CDKL3: variants seen among roughly 807,000 people sequenced by gnomAD.
CDKL3 encodes the protein cyclin-dependent kinase-like 3.
In CDKL3, 65 loss-of-function variants were observed where a neutral mutation model predicts 69.3. The observed-to-expected ratio is 0.94, with a 90% CI of 0.77 to 1.15. The LOEUF (loss-of-function observed/expected upper bound fraction) is 1.15. CDKL3 is among the 50% of genes most tolerant of loss of function. The pLI, the probability that CDKL3 is intolerant of heterozygous loss-of-function variation, is 0.00. For synonymous variants in CDKL3, 202 were observed against 221.6 expected, an observed-to-expected ratio of 0.91 and a Z score of 0.79; for missense variants, 652 against 689.2, an observed-to-expected ratio of 0.95 and a Z score of 0.61.
At chr5:134,310,295 C>T (rs1769064217) in intron 7 of CDKL3, among the ~76,000 whole-genome samples, 1 of 151,970 alleles carries the variant, frequency 6.6e-6, no homozygotes, top group Non-Finnish European at 1.5e-5. Context: ...ACACCATTCT[C>T]CTGCCTCAAC....
At chr5:134,293,042 C>T (rs1272429374) in intron 8 of CDKL3, among the ~76,000 whole-genome samples, 17 of 43,170 alleles carry the variant, frequency 3.9e-4, no homozygotes, top group African/African-American at 1.3e-3. Context: ...TTTTTTGAGA[C>T]GGAGTTTCAC....
intron 7 of CDKL3, among the ~76,000 whole-genome samples, chr5:134,310,249 G>A (rs1279467113): frequency 1.3e-5 from 2 of 151,814 alleles, no homozygotes; most frequent in African/African-American, 4.8e-5. Flanking sequence ...GCAGTGGCAC[G>A]ATCTCCACTC....
chr5:134,366,550 T>C lies in CDKL3; in HGVS notation c.-21-6A>G, dbSNP rs754926394. The C allele has an allele frequency of 1.6e-5, 25 of 1,541,792 alleles. No homozygotes were observed. Among genetic ancestry groups the C allele is most frequent in the East Asian group, 6.8e-5 (3 of 44,140 alleles). ...TTCAAGCTGGGCTTTTACTACTTTA[T>C]AGAAATAAAGAAAGAAAATGGAAAA... On this transcript the variant is annotated splice_polypyrimidine_tract_variant and splice_region_variant and intron_variant, in intron 1 of 12. Coordinates refer to ENST00000265334, the MANE Select transcript of CDKL3 (RefSeq NM_001113575.2).
chr5:134,327,217 T>C (rs1198804203), intron 4 of CDKL3, among the ~76,000 whole-genome samples: 1 of 152,106 alleles, frequency 6.6e-6, no homozygotes, highest in Non-Finnish European at 1.5e-5. Flanking sequence ...GGTTCTACCT[T>C]GAATGCAGTG....
chr5:134,335,208 A>G (rs1284908487), intron 4 of CDKL3, among the ~76,000 whole-genome samples: 3 of 141,794 alleles, frequency 2.1e-5, no homozygotes, highest in Non-Finnish European at 4.6e-5. Flanking sequence ...TTTTGAGCCT[A>G]TATTTGTCTT....
At chr5:134,333,022 T>G (rs576664497) in intron 4 of CDKL3, among the ~76,000 whole-genome samples, 2 of 152,220 alleles carry the variant, frequency 1.3e-5, no homozygotes, top group East Asian at 3.9e-4. Context: ...CCCTTGTAAG[T>G]TGGATTCCTA....
chr5:134,362,901 C>T (rs1162975071), intron 2 of CDKL3, among the ~76,000 whole-genome samples: 3 of 152,204 alleles, frequency 2.0e-5, no homozygotes, highest in Admixed American at 2.0e-4. Flanking sequence ...GCACTCCAGC[C>T]TGGGCGACAG....
rs1047803739 is a variant in CDKL3 at position 134,321,005 on chromosome 5, CT to C, written c.652+785del. 7.1e-3 allele frequency among the ~76,000 whole-genome samples: 877 copies of C among 123,564 alleles called. 5 individuals are homozygous for C. The highest frequency in any genetic ancestry group is 0.043 in the South Asian group (168 of 3,918). The allele number at this position is 123,564 out of a possible 152,430, so 81.1% of individuals were successfully genotyped here. A position where few individuals can be genotyped will look rare whatever the true frequency, so the allele number is the denominator to read the frequency against. ...TAATTAAACTCTCATCAAACATATT[CT>C]TTTTTTTTTTTTTTTTTTTTGAGAC... On this transcript the variant is annotated intron_variant, in intron 5 of 12. Coordinates refer to ENST00000265334, the MANE Select transcript of CDKL3 (RefSeq NM_001113575.2).
At chr5:134,307,966 T>C (rs1055633979) in intron 9 of CDKL3, 172 bp downstream of exon 9, 1 of 1,029,240 alleles carries the variant, frequency 9.7e-7, no homozygotes, top group African/African-American at 1.6e-5. Flanking sequence ...AAAAGTTAAT[T>C]TCTTCTACAG....
At chr5:134,355,855 G>A (rs1053651141) in intron 3 of CDKL3, among the ~76,000 whole-genome samples, 2 of 152,160 alleles carry the variant, frequency 1.3e-5, no homozygotes, top group Non-Finnish European at 2.9e-5. Flanking sequence ...AGAAAGGAAA[G>A]CGTATGGACT....
chr5:134,327,947 G>C (rs1774813045), intron 4 of CDKL3, among the ~76,000 whole-genome samples: 1 of 152,158 alleles, frequency 6.6e-6, no homozygotes, highest in Non-Finnish European at 1.5e-5. Flanking sequence ...TGTGTGTGTG[G>C]GTTGGGGGGC....
chr5:134,363,380 G>A (rs1043407207), intron 2 of CDKL3, among the ~76,000 whole-genome samples: 1 of 150,386 alleles, frequency 6.6e-6, no homozygotes, highest in Non-Finnish European at 1.5e-5. Context: ...TGAAACCTCC[G>A]CCTCCCGGGT....
intron 2 of CDKL3, among the ~76,000 whole-genome samples, chr5:134,364,526 T>G (rs59166372): frequency 0.13 from 20,434 of 152,154 alleles, 1,634 homozygotes; most frequent in African/African-American, 0.21. Flanking sequence ...TGTCTTTTTT[T>G]TTTTAGACAA....
chr5:134,365,266 C>T (rs529461563), intron 2 of CDKL3, among the ~76,000 whole-genome samples: 3 of 152,106 alleles, frequency 2.0e-5, no homozygotes, highest in South Asian at 4.2e-4. Flanking sequence ...CGTGAGCCAC[C>T]GCACCCGGCC....
chr5:134,343,070 T>G (rs751510027), intron 4 of CDKL3, among the ~76,000 whole-genome samples: 47 of 151,994 alleles, frequency 3.1e-4, no homozygotes, highest in Non-Finnish European at 5.9e-4. Flanking sequence ...CCAGGCTTGG[T>G]GGTGCACCCC....
intron 10 of CDKL3, among the ~76,000 whole-genome samples, chr5:134,305,883 G>A (rs1438165626): frequency 6.6e-6 from 1 of 152,070 alleles, no homozygotes; most frequent in Non-Finnish European, 1.5e-5. Flanking sequence ...AGTTGGGAGG[G>A]GGATGAACTA....
chr5:134,345,414 T>G (rs914432826), intron 4 of CDKL3, among the ~76,000 whole-genome samples: 1 of 152,182 alleles, frequency 6.6e-6, no homozygotes, highest in Non-Finnish European at 1.5e-5. Flanking sequence ...AGAGACTACA[T>G]ACTAGGTCCT....
intron 12 of CDKL3, among the ~76,000 whole-genome samples, chr5:134,301,590 A>G (rs899366489): frequency 2.0e-5 from 3 of 151,400 alleles, no homozygotes; most frequent in Admixed American, 1.3e-4. Flanking sequence ...TTTTAAAAAA[A>G]CAGAAGTTGG....
chr5:134,317,561 T>C (rs187607450), intron 6 of CDKL3, among the ~76,000 whole-genome samples: 2 of 152,140 alleles, frequency 1.3e-5, no homozygotes, highest in East Asian at 3.9e-4. Flanking sequence ...GAGTTCGAGG[T>C]TGCAGTGAGC....
Sources: allele counts gnomAD v4.1 joint callset (sites outside exome capture counted in the v4.1 genomes callset), GRCh38; gene constraint gnomAD v4.1.1; transcripts MANE v1.5; gene names NCBI Gene and HGNC (gene_info 2026-07-23, HGNC 2026-07-21).